SCFD2: variants seen among roughly 807,000 people sequenced by gnomAD.
SCFD2 encodes sec1 family domain containing 2.
A neutral mutation model predicts 58.9 loss-of-function variants in SCFD2; 54 were observed. That is an observed-to-expected ratio of 0.92 (90% CI 0.74 to 1.15). The LOEUF is 1.15. Among genes scored for constraint, SCFD2 ranks in the 50% most tolerant of loss-of-function variants. SCFD2 has a pLI of 0.00. For synonymous variants in SCFD2, 321 were observed against 335.9 expected (o/e 0.96, Z 0.49); for missense variants, 805 against 836.6 (o/e 0.96, Z 0.47).
intron 2 of SCFD2, among the ~76,000 whole-genome samples, chr4:53,346,083 AG>A (rs537962968): frequency 3.1e-4 from 47 of 151,924 alleles, no homozygotes; most frequent in Non-Finnish European, 6.0e-4. Flanking sequence ...CGTGTACCCT[AG>A]AACTCGAAGT....
chr4:53,365,301 A>T lies in SCFD2; in HGVS notation c.641T>A (p.Leu214Gln). The T allele has an allele frequency of 6.2e-7, 1 of 1,614,218 alleles. No homozygotes were observed. The highest frequency in any genetic ancestry group is 8.5e-7 in the Non-Finnish European group (1 of 1,180,038). ...DSTTLTPELLLQIRCLVSGLS... is the reference protein window; with the variant it reads ...DSTTLTPELLQQIRCLVSGLS... ...GCCTGACACTAGGCATCTGATCTGC[A>T]GCAGCAGCTCTGGGGTTAGCGTAGT... is the stretch of plus-strand genomic sequence containing the variant. The change falls in exon 1 of 9, where the codon CTG becomes CAG. Residue 214 changes from leucine to glutamine, a missense_variant. Physicochemically the swap from Leu to Gln is moderately radical, Grantham distance 113. Transcript: ENST00000401642. This position sits in a 1 kb window ranked among gnomAD's most constrained non-coding sequence, Gnocchi z 4.3.
intron 5 of SCFD2, among the ~76,000 whole-genome samples, chr4:52,982,112 C>G (rs1560501084): frequency 6.6e-6 from 1 of 152,110 alleles, no homozygotes; most frequent in African/African-American, 2.4e-5. Context: ...GATATAAGAA[C>G]AAGGAACCAA....
chr4:53,348,435 G>T (rs992341380), intron 2 of SCFD2, among the ~76,000 whole-genome samples: 11 of 152,100 alleles, frequency 7.2e-5, no homozygotes, highest in Admixed American at 2.0e-4. Flanking sequence ...TGTTTTGATA[G>T]ACATATAAAT....
intron 4 of SCFD2, among the ~76,000 whole-genome samples, chr4:53,204,496 A>G (rs911949001): frequency 6.6e-6 from 1 of 151,584 alleles, no homozygotes; most frequent in African/African-American, 2.4e-5. Flanking sequence ...TTGAAGATAA[A>G]GTTGAGACTA....
At chr4:53,359,107 G>T (rs1734480883) in intron 1 of SCFD2, among the ~76,000 whole-genome samples, 1 of 151,910 alleles carries the variant, frequency 6.6e-6, no homozygotes, top group African/African-American at 2.4e-5. Flanking sequence ...TTTAGACAAA[G>T]AAATACTACT....
At chr4:53,056,361 C>T (rs1723339536) in intron 5 of SCFD2, among the ~76,000 whole-genome samples, 1 of 152,140 alleles carries the variant, frequency 6.6e-6, no homozygotes. Flanking sequence ...CAGCCTCAGC[C>T]TCAGCCACAG....
intron 3 of SCFD2, among the ~76,000 whole-genome samples, chr4:53,286,388 T>C (rs1426479884): frequency 2.0e-5 from 3 of 152,046 alleles, no homozygotes; most frequent in Admixed American, 2.0e-4. Context: ...AGAGTAGGTA[T>C]ATGTTCTAAC....
chr4:52,908,627 C>A lies in SCFD2; in HGVS notation c.1708-1036G>T, dbSNP rs571343687. ...GCAACTGTCAAGGATATTTAGTGTA[C>A]TGACCTCATTCCTGGCTTCATCTTG... On this transcript the variant is annotated intron_variant, in intron 6 of 8. Transcript: ENST00000401642. Among the ~76,000 whole-genome samples the A allele has an allele frequency of 3.3e-5, 5 of 152,324 alleles. No individual in the cohort carries two copies. In the South Asian group the frequency reaches 1.0e-3, roughly 32 times the overall value.
At chr4:53,240,331 C>A (rs1429896378) in intron 4 of SCFD2, among the ~76,000 whole-genome samples, 2 of 152,202 alleles carry the variant, frequency 1.3e-5, no homozygotes, top group Non-Finnish European at 2.9e-5. Context: ...AAATATGCTA[C>A]CAATTTCAGG....
At chr4:52,960,519 C>T (rs1720821763) in intron 5 of SCFD2, among the ~76,000 whole-genome samples, 1 of 152,042 alleles carries the variant, frequency 6.6e-6, no homozygotes. Context: ...TAGGCATACA[C>T]CACCATGCCC....
chr4:53,147,411 C>A (rs765106326), intron 4 of SCFD2, among the ~76,000 whole-genome samples: 1 of 152,064 alleles, frequency 6.6e-6, no homozygotes, highest in South Asian at 2.1e-4. Flanking sequence ...TTAAGGTTCA[C>A]GATTATATTT....
chr4:53,214,698 T>G (rs1047124833), intron 4 of SCFD2, among the ~76,000 whole-genome samples: 4 of 152,148 alleles, frequency 2.6e-5, no homozygotes, highest in Non-Finnish European at 5.9e-5. Flanking sequence ...TGCCATTGCT[T>G]TCGGTGTTTT....
intron 5 of SCFD2, among the ~76,000 whole-genome samples, chr4:53,074,556 A>T (rs1723915376): frequency 6.6e-6 from 1 of 152,310 alleles, no homozygotes; most frequent in Middle Eastern, 3.4e-3. Flanking sequence ...GCCTTAAAAA[A>T]TGTATTTCTT....
chr4:53,118,382 G>C (rs1283619433), intron 5 of SCFD2, among the ~76,000 whole-genome samples: 1 of 152,156 alleles, frequency 6.6e-6, no homozygotes, highest in African/African-American at 2.4e-5. Flanking sequence ...CTCCGTCTTT[G>C]AGTAGTTATT....
At chr4:53,340,341 G>A (rs1424775953) in intron 2 of SCFD2, among the ~76,000 whole-genome samples, 2 of 152,170 alleles carry the variant, frequency 1.3e-5, no homozygotes, top group African/African-American at 4.8e-5. Context: ...AGGGTCCCAC[G>A]CCCACAAAGC....
chr4:52,911,824 A>C (rs1367964329), intron 6 of SCFD2, among the ~76,000 whole-genome samples: 1 of 152,076 alleles, frequency 6.6e-6, no homozygotes, highest in African/African-American at 2.4e-5. Context: ...CTGGGCTGAG[A>C]CTCTGAAAAC....
intron 5 of SCFD2, among the ~76,000 whole-genome samples, chr4:53,066,781 T>C (rs1723674827): frequency 6.6e-6 from 1 of 152,104 alleles, no homozygotes; most frequent in African/African-American, 2.4e-5. Flanking sequence ...ATGTCTTTCC[T>C]GACTCCTTAG....
intron 5 of SCFD2, among the ~76,000 whole-genome samples, chr4:52,997,892 A>T (rs1243919250): frequency 6.6e-6 from 1 of 152,222 alleles, no homozygotes; most frequent in East Asian, 1.9e-4. Flanking sequence ...GAGACACACA[A>T]TTAAAAGTTA....
chr4:53,106,747 C>T (rs1367068805), intron 5 of SCFD2, among the ~76,000 whole-genome samples: 1 of 151,918 alleles, frequency 6.6e-6, no homozygotes, highest in Admixed American at 6.6e-5. Context: ...TTGATTGTAC[C>T]TGAAAGTGTA....
Sources: allele counts gnomAD v4.1 joint callset (sites outside exome capture counted in the v4.1 genomes callset), GRCh38; gene constraint gnomAD v4.1.1; non-coding constraint Gnocchi (gnomAD v3.1); transcripts MANE v1.5; gene names NCBI Gene and HGNC (gene_info 2026-07-23, HGNC 2026-07-21).